The following RGL1 variants were observed in gnomAD, a reference collection of about 807,000 sequenced individuals.
RGL1 encodes the protein ral guanine nucleotide dissociation stimulator-like 1.
Under a neutral mutation model 95.2 loss-of-function variants are expected in RGL1, and 24 were observed. The ratio of observed to expected loss-of-function variants is 0.25; its 90% confidence interval spans 0.18 to 0.35. The LOEUF (loss-of-function observed/expected upper bound fraction) is 0.35, where lower values mean the gene tolerates loss of function less well. Among genes scored for constraint, RGL1 ranks in the 10% least tolerant of loss-of-function variants. The probability of loss-of-function intolerance (pLI) is 1.00; values close to 1 mark genes in which losing one functional copy is unlikely to be tolerated. For synonymous variants in RGL1, 329 were observed against 344.9 expected (o/e 0.95, Z 0.51); for missense variants, 715 against 936.3 (o/e 0.76, Z 3.08).
At chr1:183,844,647 C>T (rs1379274937) in intron 2 of RGL1, among the ~76,000 whole-genome samples, 2 of 152,146 alleles carry the variant, frequency 1.3e-5, no homozygotes, top group Admixed American at 1.3e-4. Context: ...ATGTAGAATT[C>T]TAAACCATAT....
chr1:183,705,433 G>C (rs960076086), intron 1 of RGL1, among the ~76,000 whole-genome samples: 1 of 152,062 alleles, frequency 6.6e-6, no homozygotes, highest in Non-Finnish European at 1.5e-5. Flanking sequence ...GTCTACATAG[G>C]TGTAGATCAT....
intron 4 of RGL1, among the ~76,000 whole-genome samples, chr1:183,868,619 G>A (rs1665976450): frequency 6.6e-6 from 1 of 152,184 alleles, no homozygotes; most frequent in African/African-American, 2.4e-5. Context: ...CTAAGATAAT[G>A]ATTTTTTTAG....
At chr1:183,897,194 T>C (rs1418893910) in intron 9 of RGL1, among the ~76,000 whole-genome samples, 2 of 152,198 alleles carry the variant, frequency 1.3e-5, no homozygotes, top group African/African-American at 4.8e-5. Context: ...CTGGCTTGTA[T>C]TGATGATTGC....
At chr1:183,832,376 A>T (rs891122061) in intron 2 of RGL1, among the ~76,000 whole-genome samples, 4 of 152,214 alleles carry the variant, frequency 2.6e-5, no homozygotes, top group Non-Finnish European at 5.9e-5. Context: ...TGAATTATTC[A>T]GGTGAATGTG....
intron 2 of RGL1, among the ~76,000 whole-genome samples, chr1:183,795,929 T>C (rs1253014191): frequency 1.3e-5 from 2 of 152,052 alleles, no homozygotes; most frequent in Admixed American, 1.3e-4. Context: ...AAAATACGGG[T>C]CTAATTTTTA....
At chr1:183,689,449 A>G (rs1653811983) in intron 1 of RGL1, among the ~76,000 whole-genome samples, 1 of 151,802 alleles carries the variant, frequency 6.6e-6, no homozygotes, top group Middle Eastern at 3.2e-3. Context: ...ATTCATACCA[A>G]TTTTTTTTAG....
chr1:183,883,082 A>T (rs1028653510), intron 5 of RGL1, among the ~76,000 whole-genome samples: 9 of 152,138 alleles, frequency 5.9e-5, no homozygotes, highest in African/African-American at 2.2e-4. Flanking sequence ...GTCTTTCAAA[A>T]TGGAGACTGG....
intron 1 of RGL1, among the ~76,000 whole-genome samples, chr1:183,739,884 A>G (rs1051438516): frequency 2.0e-5 from 3 of 152,218 alleles, no homozygotes; most frequent in Non-Finnish European, 4.4e-5. Flanking sequence ...GGAGATGAGA[A>G]AGCAGCTGTG....
At chr1:183,680,498 G>A (rs896235515) in intron 1 of RGL1, among the ~76,000 whole-genome samples, 14 of 149,552 alleles carry the variant, frequency 9.4e-5, no homozygotes, top group South Asian at 2.1e-4. Flanking sequence ...CTTGTGTGGC[G>A]TTATTTCTGA....
At chr1:183,911,730 T>G (rs1438271359) in intron 14 of RGL1, among the ~76,000 whole-genome samples, 1 of 152,210 alleles carries the variant, frequency 6.6e-6, no homozygotes, top group Non-Finnish European at 1.5e-5. Flanking sequence ...CCATCCCTTC[T>G]TTGCCTGTGA....
At chr1:183,764,317 T>A (rs1263610406) in intron 2 of RGL1, among the ~76,000 whole-genome samples, 1 of 152,040 alleles carries the variant, frequency 6.6e-6, no homozygotes, top group Non-Finnish European at 1.5e-5. Flanking sequence ...AATGTAACCA[T>A]GTATGGGAAA....
chr1:183,840,142 C>T (rs1006108039), intron 2 of RGL1, among the ~76,000 whole-genome samples: 1 of 152,160 alleles, frequency 6.6e-6, no homozygotes, highest in Non-Finnish European at 1.5e-5. Context: ...CTTCTTTCCC[C>T]CTGGGTGTGG....
chr1:183,856,441 T>C (rs1294262528), intron 3 of RGL1, among the ~76,000 whole-genome samples: 1 of 151,866 alleles, frequency 6.6e-6, no homozygotes, highest in Non-Finnish European at 1.5e-5. Context: ...ATATAAGTGA[T>C]AGAAGTTAAA....
intron 1 of RGL1, among the ~76,000 whole-genome samples, chr1:183,666,225 G>A (rs1462473599): frequency 1.3e-5 from 2 of 151,818 alleles, no homozygotes; most frequent in Admixed American, 1.3e-4. Flanking sequence ...GGCTGGTCTC[G>A]AACTCCCGAC....
intron 2 of RGL1, among the ~76,000 whole-genome samples, chr1:183,828,086 G>A (rs1662995892): frequency 1.3e-5 from 2 of 151,944 alleles, no homozygotes; most frequent in Admixed American, 1.3e-4. Flanking sequence ...GGGAAATGTT[G>A]CAACTTTTTT....
intron 2 of RGL1, among the ~76,000 whole-genome samples, chr1:183,823,264 ATT>A (rs1208034752): frequency 1.3e-5 from 2 of 152,170 alleles, no homozygotes; most frequent in Non-Finnish European, 2.9e-5. Context: ...AGCCAGAAAT[ATT>A]CTTTTGTCTT....
At chr1:183,903,043 A>G (rs1266546125) in intron 12 of RGL1, among the ~76,000 whole-genome samples, 1 of 152,224 alleles carries the variant, frequency 6.6e-6, no homozygotes, top group Non-Finnish European at 1.5e-5. Context: ...AAATATGTGA[A>G]GTAATGCATA....
chr1:183,870,253 C>T (rs145995284), intron 4 of RGL1, among the ~76,000 whole-genome samples: 19 of 152,212 alleles, frequency 1.2e-4, no homozygotes, highest in Admixed American at 3.3e-4. Context: ...AGTACCTGGA[C>T]GGCCTCTTTC....
intron 1 of RGL1, among the ~76,000 whole-genome samples, chr1:183,708,845 C>T (rs1201807093): frequency 3.9e-5 from 6 of 152,228 alleles, no homozygotes; most frequent in East Asian, 1.9e-4. Context: ...TGTGGACTAC[C>T]GTCCAGGGTG....
Sources: allele counts gnomAD v4.1 joint callset (sites outside exome capture counted in the v4.1 genomes callset), GRCh38; gene constraint gnomAD v4.1.1; transcripts MANE v1.5; gene names NCBI Gene and HGNC (gene_info 2026-07-23, HGNC 2026-07-21).